The following EPB41L4B variants were observed in gnomAD, a reference collection of about 807,000 sequenced individuals.
EPB41L4B encodes the protein erythrocyte membrane protein band 4.1 like 4B, also known as band 4.1-like protein 4B.
A neutral mutation model predicts 112.5 loss-of-function variants in EPB41L4B; 30 were observed. The ratio of observed to expected loss-of-function variants is 0.27; its 90% CI spans 0.20 to 0.36. EPB41L4B has a LOEUF of 0.36. EPB41L4B is among the 10% of genes least tolerant of loss of function. The probability of loss-of-function intolerance (pLI) is 1.00; values close to 1 mark genes in which losing one functional copy is unlikely to be tolerated. For synonymous variants in EPB41L4B, 408 were observed against 439.7 expected (o/e 0.93, Z 0.90); for missense variants, 1,024 against 1,133.3 (o/e 0.90, Z 1.38).
At chr9:109,205,057 T>A (rs1832950446) in intron 18 of EPB41L4B, among the ~76,000 whole-genome samples, 1 of 152,154 alleles carries the variant, frequency 6.6e-6, no homozygotes, top group South Asian at 2.1e-4. Flanking sequence ...TTATGGCCAG[T>A]TAGGTGTGAA....
At chr9:109,175,040 C>A (rs1831767894) in intron 25 of EPB41L4B, among the ~76,000 whole-genome samples, 1 of 151,384 alleles carries the variant, frequency 6.6e-6, no homozygotes, top group Admixed American at 6.6e-5. Flanking sequence ...TCTCAGCCTC[C>A]AGCATAGCTG....
chr9:109,224,186 C>T (rs1166608976), intron 15 of EPB41L4B, among the ~76,000 whole-genome samples: 1 of 152,162 alleles, frequency 6.6e-6, no homozygotes, highest in Non-Finnish European at 1.5e-5. Flanking sequence ...AAGCCCACTT[C>T]TAGTATATGC....
At position 109,258,296 on chromosome 9, in the gene EPB41L4B, C is replaced by T. The variant is rs370668187; in HGVS notation, c.633G>A (p.Ala211=). The stretch of plus-strand genomic sequence containing the variant: ...CTGGAAGCTCGCACTCCCCAAGCTC[C>T]GCTGTAAGTTTCATAAAAGGGAGGA... ...AVELAALCLQ[A]ELGECELPEH... is the part of the protein sequence containing the mutation. Residue 211 remains alanine, a splice_region_variant and synonymous_variant, in exon 7 of 26, where the codon GCG becomes GCA. Transcript: ENST00000374566. 22 of 1,610,252 alleles carry T rather than the reference C, an allele frequency of 1.4e-5. No homozygotes were observed. Among genetic ancestry groups the T allele is most frequent in the African/African-American group, 8.0e-5 (6 of 74,826 alleles).
At chr9:109,200,374 AG>A in intron 19 of EPB41L4B, 40 bp from the exon 20 acceptor site, 1 of 1,516,760 alleles carries the variant, frequency 6.6e-7, no homozygotes, top group Admixed American at 1.7e-5. Flanking sequence ...CCATCAAAAA[AG>A]GTTTATGGTC....
chr9:109,253,645 C>A lies in EPB41L4B; in HGVS notation c.1170-95G>T. Reference sequence around the variant, plus strand: ...GCACTTTTATTTCCAAGAGCTCCAACGTACGTTTCAACTTAGCCTGAACTC... The same window carrying A: ...GCACTTTTATTTCCAAGAGCTCCAAAGTACGTTTCAACTTAGCCTGAACTC... On this transcript the variant is annotated intron_variant, in intron 11 of 25. Coordinates refer to ENST00000374566, the MANE Select transcript of EPB41L4B (RefSeq NM_019114.5). 3 of 799,834 alleles carry A rather than the reference C, an allele frequency of 3.8e-6. No homozygotes were observed. The South Asian group carries it at 4.4e-5, about 12-fold the overall frequency. The allele number at this position is 799,834 out of a possible 1,614,324, so 49.5% of individuals were successfully genotyped here. A position where few individuals can be genotyped will look rare whatever the true frequency, so the allele number is the denominator to read the frequency against.
chr9:109,294,699 TG>T, intron 1 of EPB41L4B, among the ~76,000 whole-genome samples: 1 of 152,036 alleles, frequency 6.6e-6, no homozygotes, highest in African/African-American at 2.4e-5. Context: ...TGTGTGTGTG[TG>T]TGTGTGTATA....
At chr9:109,260,112 G>T (rs1409427215) in intron 6 of EPB41L4B, among the ~76,000 whole-genome samples, 1 of 152,088 alleles carries the variant, frequency 6.6e-6, no homozygotes, top group Non-Finnish European at 1.5e-5. Context: ...AGTTGCCTAG[G>T]CTGGAGTGCA....
intron 1 of EPB41L4B, among the ~76,000 whole-genome samples, chr9:109,306,235 A>C (rs192456364): frequency 8.5e-4 from 130 of 152,328 alleles, no homozygotes; most frequent in African/African-American, 2.9e-3. Flanking sequence ...TAAACCTACA[A>C]CACCACACAA....
At chr9:109,186,113 AC>A (rs1774071479) in intron 22 of EPB41L4B, among the ~76,000 whole-genome samples, 2 of 152,116 alleles carry the variant, frequency 1.3e-5, no homozygotes, top group African/African-American at 2.4e-5. Flanking sequence ...ACAAGGGCAC[AC>A]ACTGTGGTAT....
intron 7 of EPB41L4B, among the ~76,000 whole-genome samples, chr9:109,257,442 C>T (rs1451133915): frequency 2.0e-5 from 3 of 152,140 alleles, no homozygotes; most frequent in Non-Finnish European, 4.4e-5. Context: ...GATCACACTT[C>T]CTGAAATGTA....
chr9:109,228,379 CA>C (rs944505832), intron 15 of EPB41L4B, among the ~76,000 whole-genome samples: 1 of 151,738 alleles, frequency 6.6e-6, no homozygotes, highest in East Asian at 1.9e-4. Context: ...ATTCATGTTC[CA>C]AAAAAAACTG....
intron 19 of EPB41L4B, 134 bp downstream of exon 19, chr9:109,203,529 T>C: frequency 1.4e-6 from 1 of 701,868 alleles, no homozygotes; most frequent in Non-Finnish European, 2.3e-6. Context: ...TCTTTTTCCA[T>C]CTCTTTGGGC....
At chr9:109,296,684 A>G (rs12352460) in intron 1 of EPB41L4B, among the ~76,000 whole-genome samples, 32,989 of 151,800 alleles carry the variant, frequency 0.22, 3,929 homozygotes, top group Admixed American at 0.26. Flanking sequence ...CCAGGAATTC[A>G]AGATTGGCAT....
chr9:109,195,511 T>G (rs1414746544), intron 20 of EPB41L4B, among the ~76,000 whole-genome samples: 1 of 152,146 alleles, frequency 6.6e-6, no homozygotes, highest in Non-Finnish European at 1.5e-5. Context: ...ATACACCAAG[T>G]ATTTGGATCC....
At chr9:109,288,723 A>C (rs1484920571) in intron 1 of EPB41L4B, among the ~76,000 whole-genome samples, 4 of 52,050 alleles carry the variant, frequency 7.7e-5, no homozygotes, top group Non-Finnish European at 1.6e-4. Context: ...ACTCCGTCTC[A>C]AAAAAAAAAA....
Position 109,256,407 on chromosome 9 carries a change from T to G in EPB41L4B, c.826A>C (p.Met276Leu). 1 of 1,614,248 alleles carries G rather than the reference T, an allele frequency of 6.2e-7. No individual in the cohort carries two copies. The highest frequency in any genetic ancestry group is 8.5e-7 in the Non-Finnish European group (1 of 1,180,038). ...AKWLEMYGVD[M>L]HVVRGRDGCE... ...ACAGTTCTTACCCTGACAACGTGCA[T>G]GTCTACCCCATACATTTCCAGCCAC... is the stretch of plus-strand genomic sequence containing the variant. The change falls in exon 8 of 26, where the codon ATG becomes CTG. Residue 276 changes from methionine (M) to leucine (L), a missense_variant. Physicochemically the swap from Met to Leu is conservative, Grantham distance 15 (BLOSUM62 2). Transcript: ENST00000374566.
chr9:109,283,219 T>C (rs1052713966), intron 1 of EPB41L4B, among the ~76,000 whole-genome samples: 3 of 152,180 alleles, frequency 2.0e-5, no homozygotes, highest in African/African-American at 4.8e-5. Context: ...TTCTGGGCGG[T>C]GGGCAGGGTT....
At chr9:109,256,334 T>G (rs1199552411) in intron 8 of EPB41L4B, 59 bp downstream of exon 8, 2 of 1,596,966 alleles carry the variant, frequency 1.3e-6, no homozygotes, top group African/African-American at 2.7e-5. Flanking sequence ...GTTTGCATAA[T>G]GTTCATACAT....
chr9:109,232,846 T>C (rs946157026), intron 15 of EPB41L4B, among the ~76,000 whole-genome samples: 1 of 152,204 alleles, frequency 6.6e-6, no homozygotes, highest in African/African-American at 2.4e-5. Context: ...AATGATCCTC[T>C]CTCTGTTCCC....
Sources: gnomAD v4.1 joint callset for allele counts (sites outside exome capture counted in the v4.1 genomes callset) on GRCh38, gnomAD v4.1.1 for gene constraint, MANE v1.5 for transcripts, NCBI Gene and HGNC (gene_info 2026-07-23, HGNC 2026-07-21) for gene names.